Variants in SHC1 observed in about 807,000 individuals in gnomAD.
SHC1 encodes SHC-transforming protein 1.
In SHC1, 30 loss-of-function variants were observed where a neutral mutation model predicts 55.9. The observed-to-expected ratio is 0.54, with a 90% CI of 0.40 to 0.73. SHC1 has a LOEUF of 0.73. SHC1 is among the 30% of genes least tolerant of loss of function. The pLI is 0.00. For synonymous variants in SHC1, 309 were observed against 306.1 expected (o/e 1.01, Z -0.10); for missense variants, 675 against 777.1 (o/e 0.87, Z 1.56).
intron 7 of SHC1, among the ~76,000 whole-genome samples, chr1:154,967,353 A>T (rs980473381): frequency 2.0e-5 from 3 of 152,126 alleles, no homozygotes; most frequent in African/African-American, 7.2e-5. Flanking sequence ...AGGCAGGAAA[A>T]CACATAATGC....
chr1:154,969,474 A>G (rs1331929722), intron 1 of SHC1, 26 bp from the exon 2 acceptor site: 1 of 1,537,392 alleles, frequency 6.5e-7, no homozygotes, highest in African/African-American at 1.4e-5. Context: ...AGAGGACAGC[A>G]GGTCAGCGGC....
chr1:154,969,316 CCT>C (rs1344136645), intron 2 of SHC1, 60 bp downstream of exon 2: 3 of 1,166,710 alleles, frequency 2.6e-6, no homozygotes, highest in Admixed American at 3.7e-5. Flanking sequence ...CCACTCCCCT[CCT>C]CTGTTTCCCA....
chr1:154,968,952 C>T, intron 2 of SHC1, 118 bp from the exon 3 acceptor site: 3 of 860,024 alleles, frequency 3.5e-6, no homozygotes, highest in Non-Finnish European at 6.0e-6. Context: ...ACTCCAGGCT[C>T]TTTGTCATGG....
upstream of SHC1, among the ~76,000 whole-genome samples, chr1:154,972,532 AAC>A (rs998393248): frequency 1.3e-5 from 2 of 152,074 alleles, no homozygotes; most frequent in African/African-American, 2.4e-5. Flanking sequence ...ACACCCCCAA[AAC>A]ACACAAACAC....
intron 11 of SHC1, chr1:154,965,207 T>C (rs563333127): frequency 4.8e-6 from 1 of 208,706 alleles, no homozygotes; most frequent in South Asian, 1.7e-4. Context: ...CGGCTAATTT[T>C]TGTATTTTTA....
rs1210354702 is a variant in SHC1 at position 154,965,948 on chromosome 1, A to C, written c.1385T>G (p.Met462Arg). The C allele has an allele frequency of 5.6e-6, 9 of 1,609,692 alleles. No individual in the cohort carries two copies. The highest frequency in any genetic ancestry group is 6.8e-6 in the Non-Finnish European group (8 of 1,176,900). Residue 462 changes from methionine to arginine, a missense_variant and splice_region_variant, in exon 10 of 12, where the codon ATG becomes AGG. This residue lies in a region of SHC1 where 360 missense variants were observed against 371.1 expected (regional missense o/e 0.97). Transcript: ENST00000448116. ...AGAGGAGAGAGACGAGCACTCACTC[A>C]TGTCAAACAGGTCCCGGGGTGCACT... is the stretch of plus-strand genomic sequence containing the variant. The part of the protein sequence containing the change: ...NGSAPRDLFD[M>R]KPFEDALRVP...
Position 154,968,327 on chromosome 1 carries a change from C to T in SHC1, c.751-70G>A, listed in dbSNP as rs916248790. ...GTCAGGCAGCCTCAGGGCCCAGAAC[C>T]CTGGTGCCCCAGTCTCATTCTCTGG... On this transcript the variant is annotated intron_variant, in intron 4 of 11. Transcript: ENST00000448116. The T allele has an allele frequency of 6.4e-6, 10 of 1,557,692 alleles. No individual in the cohort carries two copies. In the African/African-American group the frequency reaches 1.1e-4, roughly 17 times the overall value.
In SHC1 at chr1:154,970,169, G is replaced by A. The variant is rs764249999; in HGVS notation, c.358C>T (p.Arg120Cys). Residue 120 changes from arginine to cysteine, a missense_variant, in exon 1 of 12, where the codon CGC (arginine) becomes TGC (cysteine). Transcript: ENST00000448116. This position sits in a 1 kb window ranked among gnomAD's most constrained non-coding sequence, Gnocchi z 5.5. Reference protein sequence around the residue: ...DMNKLSGGGGRRTRVEGGQLG... With the variant: ...DMNKLSGGGGCRTRVEGGQLG... ...TGGCCCCCTTCCACCCGAGTCCTGC[G>A]CCCGCCGCCTCCACTCAGCTTGTTC... 8.1e-6 allele frequency: 13 copies of A among 1,613,366 alleles called. No homozygotes were observed. Among genetic ancestry groups the A allele is most frequent in the South Asian group, 2.2e-5 (2 of 91,068 alleles).
chr1:154,968,612 G>C lies in SHC1; in HGVS notation c.633C>G (p.Pro211=), dbSNP rs754070510. The change falls in exon 4 of 12, where the codon CCC becomes CCG. Residue 211 remains proline, a splice_region_variant and synonymous_variant. Transcript: ENST00000448116. ...GGATAGAGCTGAGCGGGCGGCTACA[G>C]GGCTAAGGTAGGGCCCAGGGTCTCA... ...GAKGATRRRK[P]CSRPLSSILG... is the part of the protein sequence containing the mutation. The C allele has an allele frequency of 6.2e-7, 1 of 1,614,098 alleles. No individual in the cohort carries two copies. The highest frequency in any genetic ancestry group is 1.1e-5 in the South Asian group (1 of 91,088).
intron 7 of SHC1, 137 bp from the exon 8 acceptor site, chr1:154,966,654 C>G (rs772889845): frequency 1.7e-6 from 1 of 588,988 alleles, no homozygotes. Context: ...TATACATAAT[C>G]ATTTCATTCT....
chr1:154,964,838 T>G (rs2102034659), intron 11 of SHC1, among the ~76,000 whole-genome samples: 1 of 152,324 alleles, frequency 6.6e-6, no homozygotes, highest in South Asian at 2.1e-4. Flanking sequence ...GTCCTGAGTC[T>G]GGGGAGCTGG....
chr1:154,974,171 A>C (rs933501478), upstream of SHC1: 1 of 154,398 alleles, frequency 6.5e-6, no homozygotes, highest in African/African-American at 2.4e-5. Context: ...ATAAATGAAG[A>C]CCGGAAGTGG....
At position 154,962,792 on chromosome 1, in the gene SHC1, A is replaced by G. The variant is rs547017448; in HGVS notation, c.*1011T>C. On this transcript the variant is annotated 3_prime_UTR_variant, in exon 12 of 12. Transcript: ENST00000448116. ...CAATGGAAAAGAAAATAGGAAAGTA[A>G]GTCTACAGCCCTAAAATATATGCAT... 2 of 152,930 alleles carry G rather than the reference A, an allele frequency of 1.3e-5. No individual in the cohort carries two copies. The highest frequency in any genetic ancestry group is 3.8e-4 in the East Asian group (2 of 5,330). 9.5% of individuals were successfully genotyped at this position (152,930 alleles called of 1,614,324 possible).
chr1:154,972,144 C>T (rs906992865), upstream of SHC1, among the ~76,000 whole-genome samples: 7 of 151,554 alleles, frequency 4.6e-5, no homozygotes, highest in Non-Finnish European at 1.0e-4. Flanking sequence ...GCTCAGGAGG[C>T]TGAGGCAGGA....
At position 154,970,449 on chromosome 1, in the gene SHC1, A is replaced by AG. The variant is rs1656619031; in HGVS notation, c.77dup (p.Gly27TrpfsTer28). 6.2e-7 allele frequency: 1 copy of AG among 1,611,610 alleles called. No individual in the cohort carries two copies. Among genetic ancestry groups the AG allele is most frequent in the Non-Finnish European group, 8.5e-7 (1 of 1,179,306 alleles). On this transcript the variant is annotated frameshift_variant, in exon 1 of 12. Transcript: ENST00000448116. LOFTEE classifies it high-confidence loss of function. The surrounding 1 kb of genome is among the most constrained non-coding windows in gnomAD (Gnocchi z 5.5). ...GCAGCTCCTCCGGGGGGGTGGACCC[A>AG]GAAGCCCCTTCCTCCAGCGATGACA...
At position 154,968,365 on chromosome 1, in the gene SHC1, A is replaced by G. The variant is rs529535480; in HGVS notation, c.751-108T>C. 53 of 1,544,306 alleles carry G rather than the reference A, an allele frequency of 3.4e-5. No homozygotes were observed. In the Admixed American group the frequency reaches 8.9e-4, roughly 26 times the overall value. ...TCTCATTCTCTGGGTTCCTTATCCC[A>G]TATCCTCATTTCCTCCTTCCCTACT... On this transcript the variant is annotated intron_variant, in intron 4 of 11. Coordinates refer to ENST00000448116, the MANE Select transcript of SHC1 (RefSeq NM_001130040.2).
At chr1:154,969,485 TC>T in intron 1 of SHC1, 37 bp from the exon 2 acceptor site, 1 of 1,418,534 alleles carries the variant, frequency 7.0e-7, no homozygotes, top group Non-Finnish European at 9.9e-7. Flanking sequence ...GGTCAGCGGC[TC>T]CCCCACCCCA....
chr1:154,968,204 C>T lies in SHC1; in HGVS notation c.804G>A (p.Pro268=). 5 of 1,613,972 alleles carry T rather than the reference C, an allele frequency of 3.1e-6. No homozygotes were observed. The highest frequency in any genetic ancestry group is 2.2e-5 in the East Asian group (1 of 44,890). The part of the protein sequence containing the change: ...QSISFASGGD[P]DTAEYVAYVA... ...GCCTTTGCTCTGTTCCCCAACTCAC[C>T]GGATCCCCGCCGGATGCAAATGAGA... The change falls in exon 5 of 12, where the codon CCG becomes CCA. Residue 268 remains proline (P), a splice_region_variant and synonymous_variant. Transcript: ENST00000448116.
In SHC1 at chr1:154,965,931, G is replaced by C. The variant is rs1334600229; in HGVS notation, c.1387+15C>G. On this transcript the variant is annotated intron_variant, in intron 10 of 11. Coordinates refer to ENST00000448116, the MANE Select transcript of SHC1 (RefSeq NM_001130040.2). ...GAAAGGTGGGGATGCAGAGAGGAGA[G>C]AGACGAGCACTCACTCATGTCAAAC... 3 of 1,602,570 alleles carry C rather than the reference G, an allele frequency of 1.9e-6. No individual in the cohort carries two copies. In the African/African-American group the frequency reaches 4.0e-5, roughly 21 times the overall value.
Sources: allele counts gnomAD v4.1 joint callset (sites outside exome capture counted in the v4.1 genomes callset), GRCh38; gene constraint gnomAD v4.1.1; regional missense constraint gnomAD v4.1.1; non-coding constraint Gnocchi (gnomAD v3.1); transcripts MANE v1.5; gene names NCBI Gene and HGNC (gene_info 2026-07-23, HGNC 2026-07-21).